DCLK2: variants seen among roughly 807,000 people sequenced by gnomAD.
DCLK2 encodes the protein doublecortin like kinase 2, also known as serine/threonine-protein kinase DCLK2.
In DCLK2, 31 loss-of-function variants were observed where a neutral mutation model predicts 78.4. The ratio of observed to expected loss-of-function variants is 0.40; its 90% CI spans 0.30 to 0.53. DCLK2 has a LOEUF of 0.53. DCLK2 is among the 20% of genes least tolerant of loss of function. DCLK2 has a pLI of 0.61. For synonymous variants in DCLK2, 407 were observed against 374.9 expected (o/e 1.09, Z -0.99); for missense variants, 872 against 973.7 (o/e 0.90, Z 1.39).
intron 2 of DCLK2, among the ~76,000 whole-genome samples, chr4:150,133,346 G>A (rs755879841): frequency 1.3e-5 from 2 of 152,164 alleles, no homozygotes; most frequent in South Asian, 4.1e-4. Flanking sequence ...GAATGACCAC[G>A]AAAGTACCAC....
chr4:150,158,089 A>G (rs1037953318), intron 2 of DCLK2, among the ~76,000 whole-genome samples: 16 of 152,184 alleles, frequency 1.1e-4, no homozygotes, highest in African/African-American at 3.9e-4. Flanking sequence ...AACAACATAA[A>G]TCTATTTTCT....
intron 2 of DCLK2, among the ~76,000 whole-genome samples, chr4:150,131,436 A>G (rs1400032753): frequency 1.3e-5 from 2 of 152,168 alleles, no homozygotes; most frequent in Non-Finnish European, 2.9e-5. Context: ...CCTAAGTACA[A>G]TGTAAGCCTA....
chr4:150,198,959 C>T, intron 4 of DCLK2: 1 of 1,001,924 alleles, frequency 1.0e-6, no homozygotes, highest in Non-Finnish European at 1.4e-6. Flanking sequence ...CTTTTGAACG[C>T]ACATTTAGAG....
intron 2 of DCLK2, among the ~76,000 whole-genome samples, chr4:150,141,691 C>A (rs1386861357): frequency 1.3e-5 from 2 of 152,148 alleles, no homozygotes; most frequent in African/African-American, 2.4e-5. Context: ...CAATGATAAA[C>A]CTGAGGTGTA....
At chr4:150,154,011 CTG>C (rs1735079720) in intron 2 of DCLK2, among the ~76,000 whole-genome samples, 1 of 152,128 alleles carries the variant, frequency 6.6e-6, no homozygotes. Flanking sequence ...CAGAATCAAA[CTG>C]TGTAATTGGA....
At chr4:150,248,716 T>G (rs772575192) in intron 14 of DCLK2, among the ~76,000 whole-genome samples, 7 of 152,108 alleles carry the variant, frequency 4.6e-5, no homozygotes, top group Non-Finnish European at 7.4e-5. Flanking sequence ...GTTTGAGAGT[T>G]TCCAGGGTTT....
intron 2 of DCLK2, among the ~76,000 whole-genome samples, chr4:150,152,157 T>A (rs1020795060): frequency 1.3e-5 from 2 of 152,204 alleles, no homozygotes; most frequent in African/African-American, 4.8e-5. Context: ...GAACAGTAAG[T>A]ATAGCATCTG....
At chr4:150,172,951 A>G (rs1318470598) in intron 2 of DCLK2, among the ~76,000 whole-genome samples, 1 of 152,112 alleles carries the variant, frequency 6.6e-6, no homozygotes, top group Admixed American at 6.5e-5. Context: ...TAGAGAATCC[A>G]CTTAATTTCT....
chr4:150,198,221 A>T, intron 4 of DCLK2, 118 bp downstream of exon 4: 1 of 807,266 alleles, frequency 1.2e-6, no homozygotes. Flanking sequence ...AAGTTCCAGA[A>T]AAACAGAGAT....
At chr4:150,153,572 G>A (rs972421195) in intron 2 of DCLK2, among the ~76,000 whole-genome samples, 1 of 151,672 alleles carries the variant, frequency 6.6e-6, no homozygotes, top group Non-Finnish European at 1.5e-5. Context: ...CACATGCCTG[G>A]CTAATTTTTA....
intron 3 of DCLK2, among the ~76,000 whole-genome samples, chr4:150,196,579 T>A (rs1283897440): frequency 6.6e-6 from 1 of 151,874 alleles, no homozygotes; most frequent in Non-Finnish European, 1.5e-5. Flanking sequence ...TATTTTAGAG[T>A]AAACTACTAC....
chr4:150,099,565 A>G (rs1730719436), intron 1 of DCLK2, among the ~76,000 whole-genome samples: 1 of 152,168 alleles, frequency 6.6e-6, no homozygotes, highest in African/African-American at 2.4e-5. Flanking sequence ...TGACATCTAT[A>G]CTTTAGGGGT....
intron 5 of DCLK2, among the ~76,000 whole-genome samples, chr4:150,210,358 G>A (rs1160317322): frequency 1.3e-5 from 2 of 152,124 alleles, no homozygotes; most frequent in Non-Finnish European, 2.9e-5. Context: ...AGCGTACAAG[G>A]GGGAAAGAGA....
chr4:150,233,067 CT>C (rs1309290306), intron 10 of DCLK2, among the ~76,000 whole-genome samples: 1 of 152,180 alleles, frequency 6.6e-6, no homozygotes, highest in African/African-American at 2.4e-5. Flanking sequence ...CTACCTGAGA[CT>C]GGGTAATTTA....
chr4:150,254,301 T>C, intron 15 of DCLK2: 2 of 398,126 alleles, frequency 5.0e-6, no homozygotes, highest in Non-Finnish European at 8.9e-6. Context: ...GTTTATTGCC[T>C]TAATTTAAGA....
chr4:150,156,698 A>C (rs946854869), intron 2 of DCLK2, among the ~76,000 whole-genome samples: 80 of 151,756 alleles, frequency 5.3e-4, no homozygotes, highest in African/African-American at 1.9e-3. Flanking sequence ...ACATGTCCAC[A>C]CACCAAAAGA....
rs1029102529 is a variant in DCLK2 at position 150,207,825 on chromosome 4, A to T, written c.1056+3936A>T. Among the ~76,000 whole-genome samples, 17 of 152,312 alleles carry T rather than the reference A, an allele frequency of 1.1e-4. No individual in the cohort carries two copies. The East Asian group carries it at 3.3e-3, about 29-fold the overall frequency. ...ACACTAATTATTCCAGATACTTGTT[A>T]AAGACTATAAGGGAGACTTTATTCA... On this transcript the variant is annotated intron_variant, in intron 5 of 15. Transcript: ENST00000296550.
intron 2 of DCLK2, among the ~76,000 whole-genome samples, chr4:150,105,803 G>T (rs1291761907): frequency 6.6e-6 from 1 of 152,010 alleles, no homozygotes; most frequent in Admixed American, 6.6e-5. Context: ...AATGGAAAAA[G>T]CAAGAAACAA....
chr4:150,203,744 T>G, intron 4 of DCLK2, 51 bp from the exon 5 acceptor site: 1 of 1,441,058 alleles, frequency 6.9e-7, no homozygotes, highest in Non-Finnish European at 9.8e-7. Flanking sequence ...TACAGTCTGG[T>G]TGTTGTGGGT....
Sources: allele counts gnomAD v4.1 joint callset (sites outside exome capture counted in the v4.1 genomes callset), GRCh38; gene constraint gnomAD v4.1.1; transcripts MANE v1.5; gene names NCBI Gene and HGNC (gene_info 2026-07-23, HGNC 2026-07-21).